LAPTM4B: variants seen among roughly 807,000 people sequenced by gnomAD.
LAPTM4B encodes lysosomal protein transmembrane 4 beta, also known as lysosomal-associated transmembrane protein 4B.
Under a neutral mutation model 28.5 loss-of-function variants are expected in LAPTM4B, and 26 were observed. The observed-to-expected ratio is 0.91, with a 90% CI of 0.67 to 1.27. The LOEUF is 1.27. Among genes scored for constraint, LAPTM4B ranks in the 50% most tolerant of loss-of-function variants. The probability of loss-of-function intolerance (pLI) is 0.00; values close to 1 mark genes in which losing one functional copy is unlikely to be tolerated. For synonymous variants in LAPTM4B, 109 were observed against 106.4 expected (o/e 1.02, Z -0.15); for missense variants, 288 against 285.8 (o/e 1.01, Z -0.06).
At chr8:97,819,262 A>G (rs752322451) in intron 5 of LAPTM4B, 24 bp downstream of exon 5, 6 of 1,402,754 alleles carry the variant, frequency 4.3e-6, no homozygotes, top group Non-Finnish European at 6.0e-6. Flanking sequence ...TTTTACTTAT[A>G]GTCTAAAAAT....
rs1267417003 is a variant in LAPTM4B at position 97,800,577 on chromosome 8, ACCT to A, written c.100-4773_100-4771del. Among the ~76,000 whole-genome samples the A allele has an allele frequency of 2.8e-5, 4 of 140,698 alleles. 1 individual carries two copies. Among genetic ancestry groups the A allele is most frequent in the African/African-American group, 1.1e-4 (4 of 36,530 alleles). 92.3% of individuals were successfully genotyped at this position (140,698 alleles called of 152,430 possible). A position where few individuals can be genotyped will look rare whatever the true frequency, so the allele number is the denominator to read the frequency against. On this transcript the variant is annotated intron_variant, in intron 1 of 6. Coordinates refer to ENST00000521545, the MANE Select transcript of LAPTM4B (RefSeq NM_018407.6). ...AACGATGCAATCTCGGCTCACGGTA[ACCT>A]CCGCCTCCCGGGTTCAAGCAATTCT...
intron 6 of LAPTM4B, among the ~76,000 whole-genome samples, chr8:97,831,812 A>G (rs956102849): frequency 2.0e-5 from 3 of 152,148 alleles, no homozygotes; most frequent in Non-Finnish European, 4.4e-5. Flanking sequence ...GTGGGCGCAG[A>G]CGTTTCCTTG....
intron 5 of LAPTM4B, among the ~76,000 whole-genome samples, chr8:97,821,808 G>GTGTT (rs1362572579): frequency 6.6e-6 from 1 of 152,096 alleles, no homozygotes. Flanking sequence ...ACAGAGCTTG[G>GTGTT]TGTTCCATAG....
chr8:97,816,733 C>G (rs1038093124), intron 4 of LAPTM4B, among the ~76,000 whole-genome samples: 4 of 152,086 alleles, frequency 2.6e-5, no homozygotes, highest in African/African-American at 9.7e-5. Context: ...CAAAGGATAG[C>G]TTTTTGCCTT....
rs1322199495 is a variant in LAPTM4B at position 97,851,418 on chromosome 8, G to A, written c.625G>A (p.Asp209Asn). Residue 209 changes from aspartate (D) to asparagine (N), a missense_variant, in exon 7 of 7, where the codon GAT becomes AAT. Physicochemically the swap from Asp to Asn is conservative, Grantham distance 23 (BLOSUM62 1). Transcript: ENST00000521545. ...TCAGGTGCTGCTACCCCCGTATGAT[G>A]ATGCCACTGTGAATGGTGCTGCCAA... ...DTTVLLPPYD[D>N]ATVNGAAKEP... 4.3e-6 allele frequency: 7 copies of A among 1,614,130 alleles called. No homozygotes were observed. In the Admixed American group the frequency reaches 5.0e-5, roughly 12 times the overall value.
rs1358448415 is a variant in LAPTM4B, at chr8:97,852,490, G to A, written c.*1016G>A. 7.2e-5 allele frequency: 11 copies of A among 152,162 alleles called. 1 individual carries two copies. The highest frequency in any genetic ancestry group is 6.5e-4 in the Admixed American group (10 of 15,294). The allele number at this position is 152,162 out of a possible 1,614,324, so 9.4% of individuals were successfully genotyped here. A position where few individuals can be genotyped will look rare whatever the true frequency, so the allele number is the denominator to read the frequency against. ...TACCTTGACTACCTGAATTGCAAGG[G>A]ATTTTTATATATTCATATGTTACAA... On this transcript the variant is annotated 3_prime_UTR_variant, in exon 7 of 7. Transcript: ENST00000521545.
At chr8:97,842,480 C>T (rs117284179) in intron 6 of LAPTM4B, among the ~76,000 whole-genome samples, 3,294 of 152,154 alleles carry the variant, frequency 0.022, 45 homozygotes, top group Non-Finnish European at 0.032. Flanking sequence ...GCAGGAGGGC[C>T]GGCAAACAGG....
chr8:97,791,086 T>C (rs987746574), intron 1 of LAPTM4B, among the ~76,000 whole-genome samples: 6 of 152,140 alleles, frequency 3.9e-5, no homozygotes, highest in African/African-American at 1.4e-4. Context: ...AATTATTGTT[T>C]GTAGAAACAG....
In LAPTM4B at chr8:97,852,700, TTGG is replaced by T. The variant is rs1817545783; in HGVS notation, c.*1227_*1229del. On this transcript the variant is annotated 3_prime_UTR_variant, in exon 7 of 7. Coordinates refer to ENST00000521545, the MANE Select transcript of LAPTM4B (RefSeq NM_018407.6). ...TTCAGCCTAAGGAGTAGGCTTTTTT[TTGG>T]GGGGGGGAGGTCGGGTGGGGGGGAT... 1.3e-5 allele frequency: 2 copies of T among 151,782 alleles called. No individual in the cohort carries two copies. Among genetic ancestry groups the T allele is most frequent in the African/African-American group, 6.9e-5 (2 of 28,872 alleles). 9.4% of individuals were successfully genotyped at this position (151,782 alleles called of 1,614,324 possible).
chr8:97,823,854 C>T (rs1817051161), intron 5 of LAPTM4B, among the ~76,000 whole-genome samples: 1 of 151,786 alleles, frequency 6.6e-6, no homozygotes, highest in South Asian at 2.1e-4. Flanking sequence ...CACGCTGCCA[C>T]ACCCAGCTAA....
rs534000950 is a variant in LAPTM4B at position 97,850,686 on chromosome 8, G to A, written c.604-711G>A. ...CCCTTTCCACAAATCACTTGAGGTG[G>A]GTGAGGTTTTGTTTTGTCTTCTCAT... On this transcript the variant is annotated intron_variant, in intron 6 of 6. Transcript: ENST00000521545. Among the ~76,000 whole-genome samples, 12 of 149,338 alleles carry A rather than the reference G, an allele frequency of 8.0e-5. 2 individuals carry two copies. Among genetic ancestry groups the A allele is most frequent in the African/African-American group, 3.0e-4 (12 of 39,808 alleles).
At chr8:97,796,737 C>T (rs1180598355) in intron 1 of LAPTM4B, among the ~76,000 whole-genome samples, 5 of 150,660 alleles carry the variant, frequency 3.3e-5, no homozygotes, top group South Asian at 2.1e-4. Context: ...GTCAGGAGTT[C>T]GAGACCAGTC....
chr8:97,847,767 C>T (rs1433699305), intron 6 of LAPTM4B, among the ~76,000 whole-genome samples: 1 of 152,116 alleles, frequency 6.6e-6, no homozygotes, highest in Non-Finnish European at 1.5e-5. Flanking sequence ...AAACTAGTCC[C>T]ACGTGGAGAA....
At position 97,851,445 on chromosome 8, in the gene LAPTM4B, G is replaced by A; in HGVS notation, c.652G>A (p.Glu218Lys). 1.9e-6 allele frequency: 3 copies of A among 1,614,144 alleles called. No homozygotes were observed. The highest frequency in any genetic ancestry group is 4.5e-5 in the East Asian group (2 of 44,882). Reference sequence around the variant, plus strand: ...TGCCACTGTGAATGGTGCTGCCAAGGAGCCACCGCCACCTTACGTGTCTGC... The same window carrying A: ...TGCCACTGTGAATGGTGCTGCCAAGAAGCCACCGCCACCTTACGTGTCTGC... ...DDATVNGAAKEPPPPYVSA is the reference protein window; with the variant it reads ...DDATVNGAAKKPPPPYVSA Residue 218 changes from glutamate to lysine, a missense_variant, in exon 7 of 7, where the codon GAG becomes AAG. Coordinates refer to ENST00000521545, the MANE Select transcript of LAPTM4B (RefSeq NM_018407.6).
intron 1 of LAPTM4B, among the ~76,000 whole-genome samples, chr8:97,800,305 C>A (rs537318326): frequency 6.6e-6 from 1 of 152,034 alleles, no homozygotes. Flanking sequence ...TTTAGAAGAT[C>A]TAGAAAACTA....
chr8:97,851,176 A>G (rs1817518495), intron 6 of LAPTM4B, among the ~76,000 whole-genome samples: 1 of 152,170 alleles, frequency 6.6e-6, no homozygotes, highest in Non-Finnish European at 1.5e-5. Context: ...CCAGCTACAC[A>G]TGGACAGGGT....
intron 6 of LAPTM4B, among the ~76,000 whole-genome samples, chr8:97,842,294 A>G (rs1208781475): frequency 4.6e-5 from 7 of 152,094 alleles, no homozygotes; most frequent in South Asian, 2.1e-4. Flanking sequence ...CTCCCAGGCC[A>G]TACAATAAAA....
At chr8:97,790,082 A>G (rs560618749) in intron 1 of LAPTM4B, among the ~76,000 whole-genome samples, 2 of 152,286 alleles carry the variant, frequency 1.3e-5, no homozygotes, top group African/African-American at 4.8e-5. Context: ...CATTCTGTAT[A>G]TGTAACACAG....
rs1319268816 is a variant in LAPTM4B, at chr8:97,852,954, A to G, written c.*1480A>G. Reference sequence around the variant, plus strand: ...CCATTGGTGTGGGGGAAAAAAGCCAAACAGAAGTAGAAAAAGGTGTAGCCG... The same window carrying G: ...CCATTGGTGTGGGGGAAAAAAGCCAGACAGAAGTAGAAAAAGGTGTAGCCG... On this transcript the variant is annotated 3_prime_UTR_variant, in exon 7 of 7. Transcript: ENST00000521545. 3 of 518,570 alleles carry G rather than the reference A, an allele frequency of 5.8e-6. No homozygotes were observed. In the African/African-American group the frequency reaches 5.8e-5, roughly 10 times the overall value. 32.1% of individuals were successfully genotyped at this position (518,570 alleles called of 1,614,324 possible). A position where few individuals can be genotyped will look rare whatever the true frequency, so the allele number is the denominator to read the frequency against.
Sources: allele counts gnomAD v4.1 joint callset (sites outside exome capture counted in the v4.1 genomes callset), GRCh38; gene constraint gnomAD v4.1.1; transcripts MANE v1.5; gene names NCBI Gene and HGNC (gene_info 2026-07-23, HGNC 2026-07-21).